CTNNA3: variants seen among roughly 807,000 people sequenced by gnomAD.
CTNNA3 encodes the protein catenin alpha 3, also known as catenin alpha-3.
In CTNNA3, 76 loss-of-function variants were observed where a neutral mutation model predicts 95.7. The observed-to-expected ratio is 0.79, with a 90% CI of 0.66 to 0.96. The LOEUF is 0.96. Among genes scored for constraint, CTNNA3 ranks in the 40% least tolerant of loss-of-function variants. The pLI, the probability that CTNNA3 is intolerant of heterozygous loss-of-function variation, is 0.00. For synonymous variants in CTNNA3, 431 were observed against 374.4 expected (o/e 1.15, Z -1.74); for missense variants, 1,191 against 1,089.8 (o/e 1.09, Z -1.31).
chr10:67,294,147 C>T (rs967028215), intron 5 of CTNNA3, among the ~76,000 whole-genome samples: 1 of 151,902 alleles, frequency 6.6e-6, no homozygotes, highest in Non-Finnish European at 1.5e-5. Context: ...ATTCGTTGTC[C>T]CCAACACCTC....
intron 7 of CTNNA3, among the ~76,000 whole-genome samples, chr10:67,009,872 G>A (rs1374664368): frequency 6.6e-6 from 1 of 152,028 alleles, no homozygotes; most frequent in Non-Finnish European, 1.5e-5. Flanking sequence ...CTATGTTATG[G>A]TTTGTACGTA....
At chr10:67,614,269 C>T (rs1226629731) in intron 2 of CTNNA3, among the ~76,000 whole-genome samples, 4 of 152,168 alleles carry the variant, frequency 2.6e-5, no homozygotes, top group Non-Finnish European at 5.9e-5. Context: ...TTCTCCAAGT[C>T]CCCTACTTGA....
intron 12 of CTNNA3, among the ~76,000 whole-genome samples, chr10:66,378,567 T>G (rs868250878): frequency 9.9e-5 from 15 of 152,224 alleles, no homozygotes. Context: ...GCCATTTCAC[T>G]GAGGGATTCA....
intron 13 of CTNNA3, among the ~76,000 whole-genome samples, chr10:66,240,024 C>T (rs1361746909): frequency 6.6e-6 from 1 of 151,866 alleles, no homozygotes; most frequent in East Asian, 1.9e-4. Flanking sequence ...ATAGATTAAT[C>T]TATATCTATA....
At chr10:66,335,073 A>T (rs534582717) in intron 12 of CTNNA3, among the ~76,000 whole-genome samples, 1 of 152,174 alleles carries the variant, frequency 6.6e-6, no homozygotes, top group South Asian at 2.1e-4. Context: ...CATGGTTTTC[A>T]GCATCATCAG....
At chr10:66,227,508 C>G (rs75286008) in intron 13 of CTNNA3, among the ~76,000 whole-genome samples, 3,702 of 151,942 alleles carry the variant, frequency 0.024, 101 homozygotes, top group African/African-American at 0.066. Flanking sequence ...CCTTGCATTC[C>G]TAGAAAAATA....
intron 9 of CTNNA3, among the ~76,000 whole-genome samples, chr10:66,741,165 C>A (rs1849313906): frequency 6.6e-6 from 1 of 152,066 alleles, no homozygotes. Context: ...GAAGTGAAAG[C>A]AATGCCTTCT....
intron 9 of CTNNA3, 74 bp downstream of exon 9, chr10:66,766,190 C>G: frequency 6.7e-7 from 1 of 1,485,420 alleles, no homozygotes; most frequent in East Asian, 2.3e-5. Flanking sequence ...TATTTAGGTA[C>G]AATTCAACCA....
chr10:67,466,492 T>C (rs922807620), intron 5 of CTNNA3, among the ~76,000 whole-genome samples: 1 of 152,210 alleles, frequency 6.6e-6, no homozygotes, highest in African/African-American at 2.4e-5. Flanking sequence ...CCATTGCTTT[T>C]AGGATAATCA....
At chr10:66,561,422 C>T (rs906100598) in intron 10 of CTNNA3, among the ~76,000 whole-genome samples, 1 of 152,074 alleles carries the variant, frequency 6.6e-6, no homozygotes, top group African/African-American at 2.4e-5. Context: ...AATTAATGCT[C>T]ACAGGAAAGA....
At chr10:67,279,500 G>GAAAT (rs1839310873) in intron 5 of CTNNA3, among the ~76,000 whole-genome samples, 1 of 151,664 alleles carries the variant, frequency 6.6e-6, no homozygotes. Context: ...GGAGAGTATG[G>GAAAT]AAATACACAC....
At chr10:67,576,864 T>A (rs556915915) in intron 3 of CTNNA3, among the ~76,000 whole-genome samples, 1 of 110,686 alleles carries the variant, frequency 9.0e-6, no homozygotes, top group South Asian at 4.1e-4. Context: ...ATCATCGATG[T>A]CCCTGCAAAG....
chr10:67,493,585 TTTA>T (rs1372974004), intron 5 of CTNNA3, among the ~76,000 whole-genome samples: 5 of 147,964 alleles, frequency 3.4e-5, no homozygotes, highest in Admixed American at 6.7e-5. Context: ...AAAGTTTGAT[TTTA>T]TATGCTTAAC....
intron 7 of CTNNA3, among the ~76,000 whole-genome samples, chr10:66,866,372 C>T (rs570787251): frequency 6.6e-6 from 1 of 152,352 alleles, no homozygotes; most frequent in Admixed American, 6.5e-5. Context: ...GCATCCTCCA[C>T]TAGAGCTTAG....
intron 7 of CTNNA3, among the ~76,000 whole-genome samples, chr10:67,045,569 T>TC (rs1434812556): frequency 2.0e-5 from 3 of 152,150 alleles, no homozygotes; most frequent in African/African-American, 7.2e-5. Context: ...AGCGCCAGGT[T>TC]CCCCACGAAC....
intron 9 of CTNNA3, among the ~76,000 whole-genome samples, chr10:66,722,941 C>A (rs1308334130): frequency 3.3e-5 from 5 of 152,104 alleles, no homozygotes; most frequent in African/African-American, 1.2e-4. Flanking sequence ...CGTCCAATCA[C>A]AGTGTGAGGC....
At chr10:67,576,031 A>C (rs1842131875) in intron 3 of CTNNA3, among the ~76,000 whole-genome samples, 1 of 152,202 alleles carries the variant, frequency 6.6e-6, no homozygotes, top group Non-Finnish European at 1.5e-5. Flanking sequence ...CAGAGAATGA[A>C]TCAAGTGAAA....
chr10:66,946,637 A>T (rs1848288248), intron 7 of CTNNA3, among the ~76,000 whole-genome samples: 1 of 152,114 alleles, frequency 6.6e-6, no homozygotes, highest in Non-Finnish European at 1.5e-5. Context: ...GCAATCATAA[A>T]GCATGTACTT....
intron 2 of CTNNA3, 65 bp from the exon 3 acceptor site, chr10:67,607,114 T>C: frequency 7.7e-7 from 1 of 1,293,788 alleles, no homozygotes; most frequent in Non-Finnish European, 1.1e-6. Flanking sequence ...TCCTGGGATA[T>C]TACAGACCAG....
Sources: allele counts gnomAD v4.1 joint callset (sites outside exome capture counted in the v4.1 genomes callset), GRCh38; gene constraint gnomAD v4.1.1; transcripts MANE v1.5; gene names NCBI Gene and HGNC (gene_info 2026-07-23, HGNC 2026-07-21).